Variants in CADM2 observed in about 807,000 individuals in gnomAD.
The protein encoded by CADM2 is immunoglobulin superfamily member 4D.
In CADM2, 12 loss-of-function variants were observed where a neutral mutation model predicts 49.8. The observed-to-expected ratio is 0.24, with a 90% confidence interval of 0.15 to 0.39. The LOEUF (loss-of-function observed/expected upper bound fraction) is 0.39. CADM2 is among the 10% of genes least tolerant of loss of function. The probability of loss-of-function intolerance (pLI) is 1.00; values close to 1 mark genes in which losing one functional copy is unlikely to be tolerated. For synonymous variants in CADM2, 214 were observed against 175.4 expected (o/e 1.22, Z -1.74); for missense variants, 378 against 492.3 (o/e 0.77, Z 2.20).
At chr3:85,230,529 T>C (rs565498868) in intron 1 of CADM2, among the ~76,000 whole-genome samples, 1 of 152,212 alleles carries the variant, frequency 6.6e-6, no homozygotes, top group South Asian at 2.1e-4. Flanking sequence ...TGTTAATTCG[T>C]TCAAATTAGG....
At chr3:85,679,016 T>G (rs972189762) in intron 1 of CADM2, among the ~76,000 whole-genome samples, 1 of 152,148 alleles carries the variant, frequency 6.6e-6, no homozygotes, top group Non-Finnish European at 1.5e-5. Flanking sequence ...ATGTAAGGTT[T>G]AGAGATATGA....
At chr3:85,750,104 A>G (rs2068801335) in intron 2 of CADM2, among the ~76,000 whole-genome samples, 1 of 152,046 alleles carries the variant, frequency 6.6e-6, no homozygotes, top group Non-Finnish European at 1.5e-5. Flanking sequence ...TGAGAAGTTT[A>G]TTGAACTCAT....
At chr3:85,920,947 G>A (rs1216499443) in intron 6 of CADM2, among the ~76,000 whole-genome samples, 1 of 151,422 alleles carries the variant, frequency 6.6e-6, no homozygotes, top group Non-Finnish European at 1.5e-5. Context: ...AAAACTTTTT[G>A]GAAGTTTTAA....
chr3:84,970,751 A>T (rs1240175200), intron 1 of CADM2, among the ~76,000 whole-genome samples: 8 of 152,190 alleles, frequency 5.3e-5, no homozygotes, highest in African/African-American at 1.9e-4. Context: ...TTCTATTAGC[A>T]CCTAGTCTTG....
chr3:85,179,060 A>T (rs1030524959), intron 1 of CADM2, among the ~76,000 whole-genome samples: 12 of 152,028 alleles, frequency 7.9e-5, no homozygotes, highest in Admixed American at 7.9e-4. Context: ...TTTCCTAATA[A>T]TTTAATCATT....
rs1170875349 is a variant in CADM2, at chr3:86,066,958, T to A, written c.*175T>A. 1.6e-6 allele frequency: 1 copy of A among 608,010 alleles called. No homozygotes were observed. Among genetic ancestry groups the A allele is most frequent in the African/African-American group, 1.9e-5 (1 of 53,830 alleles). The allele number at this position is 608,010 out of a possible 1,614,324, so 37.7% of individuals were successfully genotyped here. On this transcript the variant is annotated 3_prime_UTR_variant, in exon 10 of 10. Transcript: ENST00000383699. ...AGCTGTTGAAAGCATCATTCTTTAA[T>A]TACTGTACCATCCATAATGCAGGAC...
At chr3:85,506,310 G>C (rs1188258796) in intron 1 of CADM2, among the ~76,000 whole-genome samples, 1 of 152,184 alleles carries the variant, frequency 6.6e-6, no homozygotes, top group African/African-American at 2.4e-5. Context: ...TCAGTGGAAA[G>C]TCAAAGTCAG....
intron 2 of CADM2, among the ~76,000 whole-genome samples, chr3:85,768,444 T>C (rs1405006185): frequency 7.8e-6 from 1 of 127,720 alleles, no homozygotes; most frequent in Non-Finnish European, 1.6e-5. Flanking sequence ...AGACTCCATC[T>C]CAAAATAAAT....
At chr3:85,795,648 A>G (rs992381775) in intron 2 of CADM2, among the ~76,000 whole-genome samples, 1 of 152,196 alleles carries the variant, frequency 6.6e-6, no homozygotes, top group Admixed American at 6.5e-5. Context: ...TCTTTCTTCT[A>G]TGGTCCAGTA....
intron 3 of CADM2, among the ~76,000 whole-genome samples, chr3:85,811,857 G>T (rs80322266): frequency 0.015 from 1,729 of 115,356 alleles, 29 homozygotes; most frequent in South Asian, 0.1. Context: ...ATGCCTTGAT[G>T]TTTTTTTTTT....
At chr3:85,918,980 G>A (rs57877306) in intron 6 of CADM2, among the ~76,000 whole-genome samples, 6,607 of 152,012 alleles carry the variant, frequency 0.043, 319 homozygotes, top group East Asian at 0.2. Flanking sequence ...TTCATTTTCT[G>A]TATGTATCAT....
intron 1 of CADM2, among the ~76,000 whole-genome samples, chr3:85,516,159 T>C (rs1262271030): frequency 6.6e-6 from 1 of 152,212 alleles, no homozygotes; most frequent in African/African-American, 2.4e-5. Flanking sequence ...AATCAATTCA[T>C]GGTCAAATTT....
chr3:85,356,598 A>T (rs917134466), intron 1 of CADM2, among the ~76,000 whole-genome samples: 1 of 152,146 alleles, frequency 6.6e-6, no homozygotes, highest in African/African-American at 2.4e-5. Context: ...GTAGCTCTCG[A>T]GTTATGGGAA....
intron 3 of CADM2, among the ~76,000 whole-genome samples, chr3:85,836,895 A>G (rs1297960720): frequency 2.6e-5 from 4 of 151,684 alleles, no homozygotes; most frequent in Non-Finnish European, 5.9e-5. Flanking sequence ...AACATAGTTC[A>G]GATAACAGGC....
intron 1 of CADM2, among the ~76,000 whole-genome samples, chr3:84,983,711 A>G (rs1407494072): frequency 6.6e-6 from 1 of 152,138 alleles, no homozygotes; most frequent in Non-Finnish European, 1.5e-5. Context: ...CATTTAATCC[A>G]TATTATTTTC....
At chr3:86,023,740 G>C (rs894682014) in intron 8 of CADM2, among the ~76,000 whole-genome samples, 3 of 152,034 alleles carry the variant, frequency 2.0e-5, no homozygotes, top group African/African-American at 7.3e-5. Context: ...CCATGGCTGT[G>C]GTTCTTTTGA....
intron 8 of CADM2, among the ~76,000 whole-genome samples, chr3:86,042,510 C>T (rs1468779053): frequency 3.3e-5 from 5 of 151,822 alleles, no homozygotes; most frequent in South Asian, 4.1e-4. Context: ...ACACATACAC[C>T]CTCCCAAGAC....
At chr3:86,031,534 A>T (rs1734560131) in intron 8 of CADM2, among the ~76,000 whole-genome samples, 1 of 151,856 alleles carries the variant, frequency 6.6e-6, no homozygotes, top group South Asian at 2.1e-4. Flanking sequence ...CTTTTACATT[A>T]AAATTAAAGA....
At chr3:85,195,806 C>T (rs1465727805) in intron 1 of CADM2, among the ~76,000 whole-genome samples, 4 of 151,948 alleles carry the variant, frequency 2.6e-5, no homozygotes, top group South Asian at 4.1e-4. Context: ...AGTATCATTT[C>T]CTCACCTAAA....
Sources: allele counts gnomAD v4.1 joint callset (sites outside exome capture counted in the v4.1 genomes callset), GRCh38; gene constraint gnomAD v4.1.1; transcripts MANE v1.5; gene names NCBI Gene and HGNC (gene_info 2026-07-23, HGNC 2026-07-21).